ECPAS: variants seen among roughly 807,000 people sequenced by gnomAD.
The protein encoded by ECPAS is Ecm29 proteasome adaptor and scaffold.
ECPAS carries 70 observed loss-of-function variants against 255.1 expected under a neutral mutation model. The ratio of observed to expected loss-of-function variants is 0.27; its 90% CI spans 0.23 to 0.33. The LOEUF (loss-of-function observed/expected upper bound fraction) is 0.33, where lower values mean the gene tolerates loss of function less well. Among genes scored for constraint, ECPAS ranks in the 10% least tolerant of loss-of-function variants. ECPAS has a pLI of 1.00. For missense variants in ECPAS, 1,817 were observed against 2,206.4 expected (o/e 0.82, Z 3.54); for synonymous variants, 784 against 775.0 (o/e 1.01, Z -0.19).
At chr9:111,394,825 G>A (rs556445974) in intron 25 of ECPAS, among the ~76,000 whole-genome samples, 2 of 152,236 alleles carry the variant, frequency 1.3e-5, no homozygotes, top group South Asian at 4.1e-4. Context: ...CCAGTGTCTA[G>A]ACATTACCAA....
At chr9:111,464,074 CT>C (rs1302173675) in intron 2 of ECPAS, among the ~76,000 whole-genome samples, 1 of 152,042 alleles carries the variant, frequency 6.6e-6, no homozygotes, top group East Asian at 1.9e-4. Context: ...ATGCAAGTTC[CT>C]TATTTGCAAG....
intron 1 of ECPAS, among the ~76,000 whole-genome samples, chr9:111,483,214 G>T (rs1564576029): frequency 6.6e-6 from 1 of 152,072 alleles, no homozygotes; most frequent in African/African-American, 2.4e-5. Context: ...TGGGCAGGGG[G>T]CTGGGCTCCC....
chr9:111,383,278 C>T lies in ECPAS; in HGVS notation c.3736G>A (p.Ala1246Thr), dbSNP rs768354024. 1.3e-5 allele frequency: 21 copies of T among 1,613,232 alleles called. No individual in the cohort carries two copies. Among genetic ancestry groups the T allele is most frequent in the Middle Eastern group, 1.6e-4 (1 of 6,082 alleles). Residue 1246 changes from alanine to threonine, a missense_variant, in exon 35 of 50, where the codon GCT (alanine) becomes ACT (threonine). Coordinates refer to ENST00000684092, the MANE Select transcript of ECPAS (RefSeq NM_001364929.1). ...AKGAAGQRTIAALLPCLLDKG... is the reference protein window; with the variant it reads ...AKGAAGQRTITALLPCLLDKG... ...TCCAGAAGGCAAGGCAGAAGGGCAG[C>T]GATGGTTCTCTGGCCAGCTGCTCCT...
intron 7 of ECPAS, among the ~76,000 whole-genome samples, chr9:111,434,444 A>G (rs899692825): frequency 3.3e-5 from 5 of 152,220 alleles, no homozygotes; most frequent in Admixed American, 2.0e-4. Context: ...AATCCAAAAT[A>G]TTATTCAACA....
chr9:111,446,693 C>A (rs1187284464), intron 3 of ECPAS, among the ~76,000 whole-genome samples: 1 of 152,190 alleles, frequency 6.6e-6, no homozygotes, highest in African/African-American at 2.4e-5. Flanking sequence ...CTCACAACAA[C>A]CAGTGAGGTG....
chr9:111,457,653 G>A (rs1161921661), intron 2 of ECPAS, among the ~76,000 whole-genome samples: 5 of 152,164 alleles, frequency 3.3e-5, no homozygotes, highest in South Asian at 2.1e-4. Flanking sequence ...AGTGGGCAGC[G>A]TGACAATGGT....
At chr9:111,417,730 G>C (rs1291231026) in intron 17 of ECPAS, among the ~76,000 whole-genome samples, 153 bp downstream of exon 17, 1 of 149,090 alleles carries the variant, frequency 6.7e-6, no homozygotes, top group African/African-American at 2.5e-5. Context: ...TGGGCAACAA[G>C]AGCGAAGCTC....
intron 1 of ECPAS, among the ~76,000 whole-genome samples, chr9:111,481,752 A>T (rs2098305678): frequency 6.6e-6 from 1 of 152,214 alleles, no homozygotes; most frequent in Admixed American, 6.5e-5. Context: ...CATACAAGGG[A>T]ATATCATTCA....
intron 12 of ECPAS, 50 bp from the exon 13 acceptor site, chr9:111,423,298 A>G: frequency 7.6e-7 from 1 of 1,309,120 alleles, no homozygotes; most frequent in South Asian, 1.3e-5. Context: ...AAAAACAGAC[A>G]AAACAAAAAA....
intron 23 of ECPAS, among the ~76,000 whole-genome samples, chr9:111,409,708 A>G (rs187843585): frequency 3.0e-5 from 4 of 131,398 alleles, no homozygotes; most frequent in Admixed American, 8.4e-5. Flanking sequence ...GGCCTAAAAT[A>G]AAAAAAAAAT....
At chr9:111,399,484 AC>A (rs2098172411) in intron 24 of ECPAS, among the ~76,000 whole-genome samples, 1 of 152,208 alleles carries the variant, frequency 6.6e-6, no homozygotes, top group South Asian at 2.1e-4. Flanking sequence ...ACTCAGTAAC[AC>A]CCGGTCACAG....
intron 3 of ECPAS, among the ~76,000 whole-genome samples, chr9:111,449,995 T>TA (rs909256287): frequency 3.9e-5 from 6 of 152,124 alleles, no homozygotes; most frequent in African/African-American, 7.2e-5. Context: ...ACCCCACACT[T>TA]AGTCTAAATT....
rs774529422 is a variant in ECPAS, at chr9:111,414,689, T to C, written c.1765-38A>G. On this transcript the variant is annotated intron_variant, in intron 18 of 49. Transcript: ENST00000684092. ...CGGAGAGGAAGACTGCATAAGCTTC[T>C]CGAAAAGTCAGTGTGGGAAGGTACT... 1.1e-5 allele frequency: 17 copies of C among 1,559,258 alleles called. No homozygotes were observed. The South Asian group carries it at 1.9e-4, about 18-fold the overall frequency.
chr9:111,411,937 A>G lies in ECPAS; in HGVS notation c.2214+77T>C. 2.3e-6 allele frequency: 3 copies of G among 1,319,204 alleles called. 1 individual carries two copies. In the East Asian group the frequency reaches 8.1e-5, roughly 35 times the overall value. The allele number at this position is 1,319,204 out of a possible 1,614,324, so 81.7% of individuals were successfully genotyped here. On this transcript the variant is annotated intron_variant, in intron 21 of 49. Transcript: ENST00000684092. ...GTAAGTTCATTTTACAAATGAGAAC[A>G]TAAAAGTCAAAAATAAGTTAGATCC... is the stretch of plus-strand genomic sequence containing the variant.
intron 7 of ECPAS, among the ~76,000 whole-genome samples, chr9:111,436,143 T>A (rs2098237894): frequency 6.6e-6 from 1 of 152,090 alleles, no homozygotes; most frequent in Non-Finnish European, 1.5e-5. Flanking sequence ...CCCACTTGCC[T>A]CTTTTCCCCT....
intron 7 of ECPAS, 90 bp downstream of exon 7, chr9:111,436,850 A>T: frequency 1.8e-6 from 2 of 1,109,104 alleles, no homozygotes; most frequent in Non-Finnish European, 2.5e-6. Flanking sequence ...GAGCCTGAAT[A>T]TACTAGAATT....
intron 6 of ECPAS, among the ~76,000 whole-genome samples, chr9:111,437,992 G>A (rs1473931006): frequency 6.6e-6 from 1 of 152,042 alleles, no homozygotes; most frequent in Admixed American, 6.6e-5. Flanking sequence ...GAACCTGATA[G>A]GATAGTAAGT....
intron 43 of ECPAS, among the ~76,000 whole-genome samples, chr9:111,371,161 A>C (rs557725149): frequency 2.0e-5 from 3 of 152,168 alleles, no homozygotes; most frequent in Non-Finnish European, 4.4e-5. Context: ...GTTCACTGTT[A>C]AGAATCCTAC....
chr9:111,449,267 TTAATC>T (rs1040784709), intron 3 of ECPAS, among the ~76,000 whole-genome samples: 2 of 152,074 alleles, frequency 1.3e-5, no homozygotes, highest in African/African-American at 4.8e-5. Context: ...AAAGGGAACA[TTAATC>T]TAAAAGCTGA....
Sources: gnomAD v4.1 joint callset for allele counts (sites outside exome capture counted in the v4.1 genomes callset) on GRCh38, gnomAD v4.1.1 for gene constraint, MANE v1.5 for transcripts, NCBI Gene and HGNC (gene_info 2026-07-23, HGNC 2026-07-21) for gene names.